ADIG: variants seen among roughly 807,000 people sequenced by gnomAD.
ADIG encodes the protein adipogenin.
A neutral mutation model predicts 10.7 loss-of-function variants in ADIG; 12 were observed. The observed-to-expected ratio is 1.12, with a 90% confidence interval of 0.72 to 1.82. The LOEUF (loss-of-function observed/expected upper bound fraction) is 1.82, where lower values mean the gene tolerates loss of function less well. Among genes scored for constraint, ADIG ranks in the 40% most tolerant of loss-of-function variants. The pLI is 0.00. For synonymous variants in ADIG, 32 were observed against 35.6 expected, an observed-to-expected ratio of 0.90 and a Z score of 0.36; for missense variants, 72 against 92.5, an observed-to-expected ratio of 0.78 and a Z score of 0.91.
Position 38,588,446 on chromosome 20 carries a change from G to T in ADIG, c.*360G>T. The T allele has an allele frequency of 8.3e-7, 1 of 1,210,184 alleles. No homozygotes were observed. The highest frequency in any genetic ancestry group is 1.5e-5 in the South Asian group (1 of 65,054). The allele number at this position is 1,210,184 out of a possible 1,614,324, so 75.0% of individuals were successfully genotyped here. ...AAGCAAGGGTCTTCCCATACCCGGG[G>T]GACCCCTGACAAACCTACCAGGCCT... On this transcript the variant is annotated 3_prime_UTR_variant, in exon 3 of 3. Transcript: ENST00000537425.
At chr20:38,587,968 C>T (rs939713768) in intron 2 of ADIG, 133 bp from the exon 3 acceptor site, 4 of 1,088,204 alleles carry the variant, frequency 3.7e-6, no homozygotes, top group Non-Finnish European at 4.8e-6. Context: ...GAACTCCTGA[C>T]CTTAGATGAT....
At chr20:38,586,308 C>T (rs1019966704) in intron 2 of ADIG, 147 bp downstream of exon 2, 2 of 639,040 alleles carry the variant, frequency 3.1e-6, no homozygotes, top group African/African-American at 3.7e-5. Flanking sequence ...CATGTGAGAG[C>T]CTTCTGCTTC....
chr20:38,585,931 C>A, intron 1 of ADIG, 98 bp from the exon 2 acceptor site: 1 of 1,247,320 alleles, frequency 8.0e-7, no homozygotes, highest in Non-Finnish European at 1.1e-6. Flanking sequence ...TCAGGCAAGG[C>A]TGCAGGGATA....
chr20:38,587,208 T>C (rs573824731), intron 2 of ADIG, among the ~76,000 whole-genome samples: 1 of 152,176 alleles, frequency 6.6e-6, no homozygotes, highest in East Asian at 1.9e-4. Flanking sequence ...AGCCAGCCTC[T>C]CGCCTCTCTC....
chr20:38,587,597 G>A (rs1012237915), intron 2 of ADIG, among the ~76,000 whole-genome samples: 9 of 152,146 alleles, frequency 5.9e-5, no homozygotes, highest in African/African-American at 1.7e-4. Flanking sequence ...TGGGCCCTGC[G>A]AATTATGTAG....
At chr20:38,586,582 G>T (rs1265628165) in intron 2 of ADIG, among the ~76,000 whole-genome samples, 1 of 152,136 alleles carries the variant, frequency 6.6e-6, no homozygotes, top group Non-Finnish European at 1.5e-5. Flanking sequence ...GCATCGTGCT[G>T]CTTACCCTGC....
At chr20:38,585,585 G>A (rs1195834377) in intron 1 of ADIG, 1 of 1,496,062 alleles carries the variant, frequency 6.7e-7, no homozygotes, top group Non-Finnish European at 9.1e-7. Flanking sequence ...CGTGGACACA[G>A]TTTCCAGGTG....
At chr20:38,586,715 C>A (rs370471359) in intron 2 of ADIG, among the ~76,000 whole-genome samples, 46 of 152,236 alleles carry the variant, frequency 3.0e-4, no homozygotes, top group African/African-American at 1.1e-3. Context: ...GGAAGGATGA[C>A]ATGATATTAT....
chr20:38,585,937 G>T lies in ADIG; in HGVS notation c.125-92G>T. 8.5e-6 allele frequency: 11 copies of T among 1,290,060 alleles called. No homozygotes were observed. In the South Asian group the frequency reaches 1.2e-4, roughly 14 times the overall value. The allele number at this position is 1,290,060 out of a possible 1,614,324, so 79.9% of individuals were successfully genotyped here. A position where few individuals can be genotyped will look rare whatever the true frequency, so the allele number is the denominator to read the frequency against. The stretch of plus-strand genomic sequence containing the variant: ...GCCCTAGCCTCAGGCAAGGCTGCAG[G>T]GATACCCAGGCCTGGCAGGGGACTC... On this transcript the variant is annotated intron_variant, in intron 1 of 2. Coordinates refer to ENST00000537425, the MANE Select transcript of ADIG (RefSeq NM_001393816.1).
chr20:38,585,776 C>A (rs1005160391), intron 1 of ADIG: 2 of 607,356 alleles, frequency 3.3e-6, no homozygotes, highest in East Asian at 2.8e-5. Flanking sequence ...GTCATTTGCT[C>A]ACCTCTGTGT....
chr20:38,586,719 A>ATAT (rs145507282), intron 2 of ADIG, among the ~76,000 whole-genome samples: 18 of 151,868 alleles, frequency 1.2e-4, no homozygotes, highest in South Asian at 2.1e-4. Context: ...GGATGACATG[A>ATAT]TATTATTATT....
rs1282009861 is a variant in ADIG at position 38,586,111 on chromosome 20, A to G, written c.207A>G (p.Thr69=). 4 of 1,605,308 alleles carry G rather than the reference A, an allele frequency of 2.5e-6. No homozygotes were observed. In the African/African-American group the frequency reaches 4.0e-5, roughly 16 times the overall value. ...KGPAEFCWKG[T]LHGQEKERPC... ...CAGCTGAGTTTTGCTGGAAGGGGAC[A>G]CTCCACGGCCAAGAGAAGGAGAGGC... The change falls in exon 2 of 3, where the codon ACA becomes ACG. Residue 69 remains threonine (T), a synonymous_variant. Coordinates refer to ENST00000537425, the MANE Select transcript of ADIG (RefSeq NM_001393816.1).
rs778800882 is a variant in ADIG at position 38,581,247 on chromosome 20, C to T, written c.-4C>T. 16 of 1,606,936 alleles carry T rather than the reference C, an allele frequency of 1.0e-5. No individual in the cohort carries two copies. The highest frequency in any genetic ancestry group is 8.5e-5 in the Admixed American group (5 of 58,838). ...GGCTGGCCCAGCTTAGCCACACATG[C>T]GCCATGAAGTACCCTTTGATGCCGC... On this transcript the variant is annotated 5_prime_UTR_variant, in exon 1 of 3. Transcript: ENST00000537425.
intron 1 of ADIG, among the ~76,000 whole-genome samples, chr20:38,584,758 C>G: frequency 6.6e-6 from 1 of 151,670 alleles, no homozygotes; most frequent in East Asian, 1.9e-4. Context: ...TAGTGAAGAA[C>G]AGTCACTTCA....
At chr20:38,587,058 C>G (rs2088643785) in intron 2 of ADIG, among the ~76,000 whole-genome samples, 1 of 152,150 alleles carries the variant, frequency 6.6e-6, no homozygotes, top group Admixed American at 6.5e-5. Context: ...TTGACACCCT[C>G]TCATGCCTAG....
intron 2 of ADIG, chr20:38,586,377 G>T (rs965224930): frequency 2.1e-5 from 11 of 526,044 alleles, no homozygotes; most frequent in African/African-American, 1.7e-4. Flanking sequence ...GCCACAAGGA[G>T]CCTTTACAAA....
At chr20:38,584,019 G>A (rs2088611761) in intron 1 of ADIG, among the ~76,000 whole-genome samples, 1 of 152,182 alleles carries the variant, frequency 6.6e-6, no homozygotes, top group East Asian at 1.9e-4. Context: ...CCCTTTATTG[G>A]AATCAGTTTG....
intron 1 of ADIG, 120 bp downstream of exon 1, chr20:38,581,494 G>A (rs1004664664): frequency 3.6e-6 from 5 of 1,407,640 alleles, no homozygotes; most frequent in Non-Finnish European, 4.9e-6. Context: ...TTAAGTGCTC[G>A]CTTAGATACA....
At chr20:38,583,830 C>T (rs961343648) in intron 1 of ADIG, among the ~76,000 whole-genome samples, 3 of 152,198 alleles carry the variant, frequency 2.0e-5, no homozygotes, top group South Asian at 2.1e-4. Flanking sequence ...AATTTTGCAA[C>T]GAAGAGAAAC....
Sources: allele counts gnomAD v4.1 joint callset (sites outside exome capture counted in the v4.1 genomes callset), GRCh38; gene constraint gnomAD v4.1.1; transcripts MANE v1.5; gene names NCBI Gene and HGNC (gene_info 2026-07-23, HGNC 2026-07-21).